The following PPARGC1A variants were observed in gnomAD, a reference collection of about 807,000 sequenced individuals.
PPARGC1A encodes peroxisome proliferator-activated receptor gamma coactivator 1-alpha.
In PPARGC1A, 25 loss-of-function variants were observed where a neutral mutation model predicts 88.7. The ratio of observed to expected loss-of-function variants is 0.28; its 90% CI spans 0.21 to 0.39. The LOEUF is 0.39. Among genes scored for constraint, PPARGC1A ranks in the 10% least tolerant of loss-of-function variants. The pLI is 1.00. For synonymous variants in PPARGC1A, 363 were observed against 355.6 expected, an observed-to-expected ratio of 1.02 and a Z score of -0.24; for missense variants, 880 against 968.7, an observed-to-expected ratio of 0.91 and a Z score of 1.22.
the PPARGC1A span, among the ~76,000 whole-genome samples, chr4:23,909,175 A>G: frequency 2.0e-5 from 3 of 152,320 alleles, no homozygotes; most frequent in Admixed American, 2.0e-4. Flanking sequence ...GAAGACTTTT[A>G]TAGGTCCCTG....
At chr4:24,344,184 A>G in the PPARGC1A span, among the ~76,000 whole-genome samples, 1 of 151,928 alleles carries the variant, frequency 6.6e-6, no homozygotes, top group African/African-American at 2.4e-5. Context: ...CAATTTTGCA[A>G]TTGTGAATTG....
the PPARGC1A span, among the ~76,000 whole-genome samples, chr4:24,054,263 G>A: frequency 2.5e-3 from 375 of 150,852 alleles, 2 homozygotes; most frequent in African/African-American, 8.9e-3. Context: ...AGGAGAGGTG[G>A]TGTCTGGGAG....
At chr4:24,217,785 A>G in the PPARGC1A span, among the ~76,000 whole-genome samples, 2 of 152,196 alleles carry the variant, frequency 1.3e-5, no homozygotes, top group African/African-American at 4.8e-5. Flanking sequence ...CCTGGGCAAC[A>G]GAGTGAGACT....
At chr4:23,950,538 G>A in the PPARGC1A span, among the ~76,000 whole-genome samples, 4 of 152,100 alleles carry the variant, frequency 2.6e-5, no homozygotes, top group African/African-American at 9.7e-5. Flanking sequence ...AGAAAACACT[G>A]GAACTGACTC....
the PPARGC1A span, among the ~76,000 whole-genome samples, chr4:24,339,565 G>T: frequency 6.6e-6 from 1 of 151,944 alleles, no homozygotes; most frequent in African/African-American, 2.4e-5. Context: ...ATTAATGCCC[G>T]TTCCACCATG....
chr4:23,918,478 CAA>C, the PPARGC1A span, among the ~76,000 whole-genome samples: 1 of 152,090 alleles, frequency 6.6e-6, no homozygotes, highest in Non-Finnish European at 1.5e-5. Context: ...CTCGGCCTCT[CAA>C]ATTGCTGGGA....
the PPARGC1A span, among the ~76,000 whole-genome samples, chr4:23,947,351 TGA>T: frequency 1.2e-5 from 1 of 80,160 alleles, no homozygotes; most frequent in African/African-American, 6.4e-5. Context: ...TGTTATATAG[TGA>T]TATATATATA....
the PPARGC1A span, among the ~76,000 whole-genome samples, chr4:24,340,565 CTT>C: frequency 6.6e-6 from 1 of 151,252 alleles, no homozygotes; most frequent in Admixed American, 6.6e-5. Context: ...GGCTACAAAA[CTT>C]TTTTTTTAAT....
At chr4:23,804,968 C>A (rs1411106616) in intron 10 of PPARGC1A, among the ~76,000 whole-genome samples, 1 of 152,160 alleles carries the variant, frequency 6.6e-6, no homozygotes, top group Non-Finnish European at 1.5e-5. Context: ...TGTTTAATGT[C>A]CACTTCCCCA....
chr4:23,897,303 G>A (rs893840846), intron 1 of PPARGC1A, among the ~76,000 whole-genome samples: 3 of 152,190 alleles, frequency 2.0e-5, no homozygotes, highest in Admixed American at 2.0e-4. Context: ...GGAGACTCAA[G>A]TCTATCTGAC....
the PPARGC1A span, among the ~76,000 whole-genome samples, chr4:24,328,703 T>G: frequency 6.6e-6 from 1 of 152,182 alleles, no homozygotes; most frequent in African/African-American, 2.4e-5. Flanking sequence ...TGAGGGGTTT[T>G]TTTTCCACCC....
chr4:24,128,147 T>C, the PPARGC1A span, among the ~76,000 whole-genome samples: 1 of 152,112 alleles, frequency 6.6e-6, no homozygotes, highest in South Asian at 2.1e-4. Context: ...GGAGCATGCT[T>C]TGATCAGCAT....
chr4:23,927,559 GAATAAT>G, the PPARGC1A span, among the ~76,000 whole-genome samples: 1 of 152,104 alleles, frequency 6.6e-6, no homozygotes, highest in Admixed American at 6.5e-5. Flanking sequence ...TTTCTAATAA[GAATAAT>G]AATAAGTAAT....
At chr4:23,845,317 C>A (rs57256690) in intron 2 of PPARGC1A, among the ~76,000 whole-genome samples, 1 of 152,112 alleles carries the variant, frequency 6.6e-6, no homozygotes, top group Admixed American at 6.5e-5. Context: ...AGTGCTTAGA[C>A]GGCACCATCA....
At chr4:23,829,180 T>C (rs1365810736) in intron 4 of PPARGC1A, among the ~76,000 whole-genome samples, 3 of 152,120 alleles carry the variant, frequency 2.0e-5, no homozygotes, top group Admixed American at 6.5e-5. Flanking sequence ...TATCAGCAAA[T>C]TTTACCGTGG....
the PPARGC1A span, among the ~76,000 whole-genome samples, chr4:24,121,795 G>A: frequency 6.6e-6 from 1 of 152,188 alleles, no homozygotes; most frequent in African/African-American, 2.4e-5. Context: ...TGATGACACT[G>A]CCTATTGCAA....
At chr4:24,224,347 T>C in the PPARGC1A span, among the ~76,000 whole-genome samples, 3 of 151,940 alleles carry the variant, frequency 2.0e-5, no homozygotes, top group East Asian at 5.8e-4. Flanking sequence ...GCTGAGGAGA[T>C]GGGAAATAAA....
the PPARGC1A span, among the ~76,000 whole-genome samples, chr4:23,953,897 G>A: frequency 6.6e-6 from 1 of 151,988 alleles, no homozygotes; most frequent in Non-Finnish European, 1.5e-5. Context: ...AATGCTTCAA[G>A]TTAGAACAGC....
At chr4:24,319,889 A>G in the PPARGC1A span, among the ~76,000 whole-genome samples, 1 of 152,028 alleles carries the variant, frequency 6.6e-6, no homozygotes, top group East Asian at 1.9e-4. Context: ...TTTCATAGTC[A>G]TTTTTTTCCT....
Sources: allele counts gnomAD v4.1 joint callset (sites outside exome capture counted in the v4.1 genomes callset), GRCh38; gene constraint gnomAD v4.1.1; transcripts MANE v1.5; gene names NCBI Gene and HGNC (gene_info 2026-07-23, HGNC 2026-07-21).